Variants in MAGI1 observed in about 807,000 individuals in gnomAD.
MAGI1 encodes the protein membrane-associated guanylate kinase, WW and PDZ domain-containing protein 1.
MAGI1 carries 58 observed loss-of-function variants against 139.9 expected under a neutral mutation model. That is an observed-to-expected ratio of 0.41 (90% CI 0.34 to 0.52). The LOEUF (loss-of-function observed/expected upper bound fraction) is 0.52, where lower values mean the gene tolerates loss of function less well. MAGI1 is among the 20% of genes least tolerant of loss of function. The pLI is 0.12. For missense variants in MAGI1, 1,874 were observed against 1,901.6 expected (o/e 0.99, Z 0.27); for synonymous variants, 812 against 737.9 (o/e 1.10, Z -1.63).
At chr3:65,867,684 G>A (rs2059778513) in intron 1 of MAGI1, among the ~76,000 whole-genome samples, 1 of 152,102 alleles carries the variant, frequency 6.6e-6, no homozygotes, top group Non-Finnish European at 1.5e-5. Context: ...GCCTAGAAGT[G>A]CAAGGCTGCA....
At chr3:65,686,511 T>A (rs2088044366) in intron 1 of MAGI1, among the ~76,000 whole-genome samples, 1 of 152,188 alleles carries the variant, frequency 6.6e-6, no homozygotes, top group African/African-American at 2.4e-5. Context: ...CAGGATGGTC[T>A]CGATCTCCTG....
intron 1 of MAGI1, among the ~76,000 whole-genome samples, chr3:65,991,319 A>AG (rs2066163654): frequency 6.7e-6 from 1 of 149,114 alleles, no homozygotes; most frequent in Non-Finnish European, 1.5e-5. Context: ...AAAAAAAAAA[A>AG]AAAAGAAAGT....
At chr3:65,638,627 T>TTTTTTC (rs1198203750) in intron 1 of MAGI1, among the ~76,000 whole-genome samples, 1 of 115,498 alleles carries the variant, frequency 8.7e-6, no homozygotes. Flanking sequence ...TTTTTTTTTT[T>TTTTTTC]CAGACAGAGT....
At chr3:66,009,518 A>C (rs917058609) in intron 1 of MAGI1, among the ~76,000 whole-genome samples, 2 of 152,074 alleles carry the variant, frequency 1.3e-5, no homozygotes, top group African/African-American at 4.8e-5. Context: ...CTCAAAATAA[A>C]AAAAGTAAGG....
intron 1 of MAGI1, among the ~76,000 whole-genome samples, chr3:65,723,677 T>C (rs963136549): frequency 1.3e-5 from 2 of 152,244 alleles, no homozygotes; most frequent in Non-Finnish European, 2.9e-5. Context: ...CCTCTACACA[T>C]ATGCTCCTCT....
intron 1 of MAGI1, among the ~76,000 whole-genome samples, chr3:65,760,388 A>AC (rs2036916602): frequency 6.9e-6 from 1 of 145,210 alleles, no homozygotes; most frequent in Admixed American, 6.9e-5. Context: ...CAGAGCGGTA[A>AC]TTTTTTTTTT....
chr3:65,746,727 T>C (rs2035742885), intron 1 of MAGI1, among the ~76,000 whole-genome samples: 1 of 152,198 alleles, frequency 6.6e-6, no homozygotes, highest in Admixed American at 6.5e-5. Context: ...ATAAACTATA[T>C]TCAAGCCTCT....
At chr3:65,949,239 T>C (rs2063681761) in intron 1 of MAGI1, among the ~76,000 whole-genome samples, 2 of 152,206 alleles carry the variant, frequency 1.3e-5, no homozygotes, top group South Asian at 4.1e-4. Flanking sequence ...GTGTCCAACA[T>C]TTGTGTCCCT....
intron 1 of MAGI1, among the ~76,000 whole-genome samples, chr3:65,822,538 AAAATAAATAAT>A (rs1166116002): frequency 1.3e-5 from 2 of 152,162 alleles, no homozygotes; most frequent in Non-Finnish European, 2.9e-5. Context: ...AAAAAAGTAA[AAAATAAATAAT>A]AAATAAATAA....
At chr3:65,876,947 G>C (rs2060140326) in intron 1 of MAGI1, among the ~76,000 whole-genome samples, 1 of 152,074 alleles carries the variant, frequency 6.6e-6, no homozygotes, top group Non-Finnish European at 1.5e-5. Flanking sequence ...GTTTCACCAT[G>C]TTAGCCAGGA....
chr3:65,922,806 T>C (rs1225252029), intron 1 of MAGI1, among the ~76,000 whole-genome samples: 1 of 152,196 alleles, frequency 6.6e-6, no homozygotes, highest in African/African-American at 2.4e-5. Context: ...AACCAGCCAG[T>C]TGGAAGTTCA....
intron 4 of MAGI1, among the ~76,000 whole-genome samples, chr3:65,473,890 G>A (rs1227087698): frequency 2.0e-5 from 3 of 152,000 alleles, no homozygotes; most frequent in Admixed American, 2.0e-4. Context: ...GTCCAAAAAT[G>A]AGCTGCTGGC....
chr3:65,364,165 TAAAAA>T (rs555186167), intron 20 of MAGI1, among the ~76,000 whole-genome samples: 7 of 89,444 alleles, frequency 7.8e-5, no homozygotes, highest in African/African-American at 3.1e-4. Context: ...CCCTGTCTCT[TAAAAA>T]AAAAAAAAAA....
At chr3:65,979,257 G>A (rs965247334) in intron 1 of MAGI1, among the ~76,000 whole-genome samples, 2 of 151,892 alleles carry the variant, frequency 1.3e-5, no homozygotes, top group African/African-American at 2.4e-5. Flanking sequence ...CTTCTATTTG[G>A]GTCATAATAT....
chr3:65,825,168 C>G (rs1452332540), intron 1 of MAGI1, among the ~76,000 whole-genome samples: 1 of 152,172 alleles, frequency 6.6e-6, no homozygotes, highest in Non-Finnish European at 1.5e-5. Flanking sequence ...TTTGGGAAAA[C>G]TAATTTAAGC....
chr3:65,411,500 G>A (rs1575651513), intron 12 of MAGI1, among the ~76,000 whole-genome samples: 1 of 152,060 alleles, frequency 6.6e-6, no homozygotes, highest in Non-Finnish European at 1.5e-5. Flanking sequence ...TGTACGGGGG[G>A]ATTATGAAAC....
chr3:65,694,038 G>C (rs992905396), intron 1 of MAGI1, among the ~76,000 whole-genome samples: 1 of 151,866 alleles, frequency 6.6e-6, no homozygotes, highest in Non-Finnish European at 1.5e-5. Flanking sequence ...CTTTCTTAAC[G>C]GAGGACCAAA....
chr3:65,578,979 C>G (rs2081301107), intron 2 of MAGI1, among the ~76,000 whole-genome samples: 1 of 151,430 alleles, frequency 6.6e-6, no homozygotes, highest in Admixed American at 6.6e-5. Context: ...ACAGATATTC[C>G]CTGCAAGCTC....
At chr3:65,429,131 T>A (rs576484376) in intron 12 of MAGI1, among the ~76,000 whole-genome samples, 2 of 152,022 alleles carry the variant, frequency 1.3e-5, no homozygotes, top group African/African-American at 4.8e-5. Flanking sequence ...TATATATATA[T>A]AAAAAAACTT....
Sources: gnomAD v4.1 joint callset for allele counts (sites outside exome capture counted in the v4.1 genomes callset) on GRCh38, gnomAD v4.1.1 for gene constraint, MANE v1.5 for transcripts, NCBI Gene and HGNC (gene_info 2026-07-23, HGNC 2026-07-21) for gene names.